Variants in AKAP19 observed in about 807,000 individuals in gnomAD.
AKAP19 encodes small A-kinase anchoring protein.
chr2:189,974,313 T>G, the AKAP19 span, among the ~76,000 whole-genome samples: 78 of 152,332 alleles, frequency 5.1e-4, no homozygotes, highest in Middle Eastern at 6.8e-3. Flanking sequence ...TAATCCTGAG[T>G]TCTAGTTTGA....
At chr2:189,939,899 A>G in the AKAP19 span, among the ~76,000 whole-genome samples, 1 of 151,922 alleles carries the variant, frequency 6.6e-6, no homozygotes, top group Non-Finnish European at 1.5e-5. Context: ...TGGTACCAGC[A>G]ATTTGGGAGG....
At chr2:189,989,091 C>T in the AKAP19 span, among the ~76,000 whole-genome samples, 1 of 152,148 alleles carries the variant, frequency 6.6e-6, no homozygotes, top group Admixed American at 6.6e-5. Flanking sequence ...AAGAAATAAA[C>T]ATTTTGTTAG....
chr2:190,077,342 T>A, the AKAP19 span, among the ~76,000 whole-genome samples: 1 of 152,058 alleles, frequency 6.6e-6, no homozygotes, highest in Non-Finnish European at 1.5e-5. Context: ...CCCGAGTAGT[T>A]GGGATTACAG....
chr2:190,066,275 T>C, the AKAP19 span, among the ~76,000 whole-genome samples: 1 of 152,114 alleles, frequency 6.6e-6, no homozygotes, highest in Non-Finnish European at 1.5e-5. Flanking sequence ...TCACTGGTTG[T>C]CTCAAAACAA....
At chr2:189,910,899 T>A in the AKAP19 span, among the ~76,000 whole-genome samples, 3 of 152,072 alleles carry the variant, frequency 2.0e-5, no homozygotes, top group Non-Finnish European at 4.4e-5. Flanking sequence ...TCTATTTTCT[T>A]TTTAAGCACT....
the AKAP19 span, among the ~76,000 whole-genome samples, chr2:190,040,887 T>C: frequency 6.6e-6 from 1 of 152,184 alleles, no homozygotes; most frequent in African/African-American, 2.4e-5. Flanking sequence ...TATGCGTCTG[T>C]CTTTGAACCA....
the AKAP19 span, among the ~76,000 whole-genome samples, chr2:190,163,205 C>G: frequency 1.3e-5 from 2 of 151,314 alleles, no homozygotes; most frequent in East Asian, 1.9e-4. Flanking sequence ...GAGGCCGAGA[C>G]GGGCGGATCA....
At chr2:190,158,128 C>G in the AKAP19 span, among the ~76,000 whole-genome samples, 1 of 152,306 alleles carries the variant, frequency 6.6e-6, no homozygotes, top group East Asian at 1.9e-4. Flanking sequence ...TCACGTACCC[C>G]TTGCTTGCTC....
chr2:190,193,602 G>A, the AKAP19 span, among the ~76,000 whole-genome samples: 1 of 151,872 alleles, frequency 6.6e-6, no homozygotes, highest in Non-Finnish European at 1.5e-5. Flanking sequence ...TTTTTCTTGT[G>A]CCAATTTTGG....
chr2:190,193,816 ACTT>A, the AKAP19 span, among the ~76,000 whole-genome samples: 3 of 151,732 alleles, frequency 2.0e-5, no homozygotes, highest in East Asian at 5.8e-4. Flanking sequence ...GTTCTTACCT[ACTT>A]CTGTCTACTT....
At chr2:190,152,559 T>C in the AKAP19 span, among the ~76,000 whole-genome samples, 1 of 152,246 alleles carries the variant, frequency 6.6e-6, no homozygotes, top group Non-Finnish European at 1.5e-5. Flanking sequence ...AAACCCCTAA[T>C]AAGAATAGCA....
chr2:190,045,267 G>A, the AKAP19 span, among the ~76,000 whole-genome samples: 1 of 152,220 alleles, frequency 6.6e-6, no homozygotes, highest in Non-Finnish European at 1.5e-5. Flanking sequence ...CTGTGCTGGA[G>A]GATCCCTTCT....
the AKAP19 span, among the ~76,000 whole-genome samples, chr2:189,976,599 C>G: frequency 6.6e-6 from 1 of 152,230 alleles, no homozygotes; most frequent in Non-Finnish European, 1.5e-5. Context: ...GGCAGGCAGG[C>G]CTCCTTGAGC....
chr2:190,200,231 CAAAT>C, the AKAP19 span: 1 of 1,079,624 alleles, frequency 9.3e-7, no homozygotes, highest in Middle Eastern at 2.4e-4. Flanking sequence ...TGAAAAAGTA[CAAAT>C]AACTATCTGG....
the AKAP19 span, among the ~76,000 whole-genome samples, chr2:190,066,379 G>A: frequency 3.9e-5 from 6 of 152,124 alleles, no homozygotes; most frequent in East Asian, 3.9e-4. Flanking sequence ...AAGACTTGCC[G>A]GAAGTTTAAT....
At chr2:190,093,142 G>C in the AKAP19 span, among the ~76,000 whole-genome samples, 1 of 152,088 alleles carries the variant, frequency 6.6e-6, no homozygotes, top group Non-Finnish European at 1.5e-5. Context: ...AGTAATTAAG[G>C]CCGGGCATGG....
At chr2:190,062,575 C>T in the AKAP19 span, 2 of 1,612,286 alleles carry the variant, frequency 1.2e-6, no homozygotes, top group Non-Finnish European at 1.7e-6. Flanking sequence ...TAAATATAAA[C>T]ACAGAGTTGC....
chr2:190,121,074 AT>A, the AKAP19 span, among the ~76,000 whole-genome samples: 17,650 of 149,590 alleles, frequency 0.12, 1,099 homozygotes, highest in Non-Finnish European at 0.14. Context: ...AATGTTGGAA[AT>A]TTTTTTTAAA....
chr2:189,891,427 G>C, the AKAP19 span, among the ~76,000 whole-genome samples: 5 of 148,378 alleles, frequency 3.4e-5, no homozygotes, highest in South Asian at 8.4e-4. Flanking sequence ...GTTTCACCGT[G>C]TTAGTCAGGA....
Sources: allele counts gnomAD v4.1 joint callset (sites outside exome capture counted in the v4.1 genomes callset), GRCh38; gene constraint gnomAD v4.1.1; transcripts MANE v1.5; gene names NCBI Gene and HGNC (gene_info 2026-07-23, HGNC 2026-07-21).